TBC1D22A: variants seen among roughly 807,000 people sequenced by gnomAD.
TBC1D22A encodes TBC1 domain family member 22A.
TBC1D22A carries 38 observed loss-of-function variants against 60.2 expected under a neutral mutation model. The ratio of observed to expected loss-of-function variants is 0.63; its 90% CI spans 0.49 to 0.83. The LOEUF is 0.83. TBC1D22A is among the 40% of genes least tolerant of loss of function. The probability of loss-of-function intolerance (pLI) is 0.00; values close to 1 mark genes in which losing one functional copy is unlikely to be tolerated. For missense variants in TBC1D22A, 628 were observed against 701.0 expected, an observed-to-expected ratio of 0.90 and a Z score of 1.18; for synonymous variants, 302 against 281.7, an observed-to-expected ratio of 1.07 and a Z score of -0.72.
intron 1 of TBC1D22A, among the ~76,000 whole-genome samples, chr22:46,785,189 C>T (rs2084106138): frequency 6.6e-6 from 1 of 152,116 alleles, no homozygotes; most frequent in Non-Finnish European, 1.5e-5. Flanking sequence ...TGGGGCCTCA[C>T]TAGGAAGACT....
At chr22:47,040,600 C>T (rs2062808369) in intron 11 of TBC1D22A, among the ~76,000 whole-genome samples, 1 of 151,832 alleles carries the variant, frequency 6.6e-6, no homozygotes, top group African/African-American at 2.4e-5. Flanking sequence ...AGGGTGATCC[C>T]ACAGTGGGCG....
chr22:46,834,424 GT>G (rs1190232256), intron 4 of TBC1D22A, among the ~76,000 whole-genome samples: 1 of 152,122 alleles, frequency 6.6e-6, no homozygotes. Flanking sequence ...AAGAAGAAGA[GT>G]TTCACTTATC....
At position 46,842,540 on chromosome 22, in the gene TBC1D22A, A is replaced by T. The variant is rs568880783; in HGVS notation, c.638-36113A>T. Among the ~76,000 whole-genome samples the T allele has an allele frequency of 2.0e-5, 3 of 152,334 alleles. No individual in the cohort carries two copies. The East Asian group carries it at 5.8e-4, about 29-fold the overall frequency. On this transcript the variant is annotated intron_variant, in intron 4 of 12. Transcript: ENST00000337137. ...GTAGATATCAGTTCTCCCCGTAAAC[A>T]CTTGAGTATGCATGTCATTAACTTG...
chr22:46,976,357 C>G (rs144859930), intron 9 of TBC1D22A, among the ~76,000 whole-genome samples: 1 of 152,324 alleles, frequency 6.6e-6, no homozygotes, highest in African/African-American at 2.4e-5. Flanking sequence ...TCACGTGCCA[C>G]GATGGATTCC....
intron 11 of TBC1D22A, among the ~76,000 whole-genome samples, chr22:47,066,279 A>T (rs1008895313): frequency 6.6e-6 from 1 of 152,176 alleles, no homozygotes; most frequent in African/African-American, 2.4e-5. Flanking sequence ...CTCACGCAGG[A>T]GGATGTGGTG....
At chr22:46,923,472 C>G (rs1466346565) in intron 8 of TBC1D22A, among the ~76,000 whole-genome samples, 3 of 152,224 alleles carry the variant, frequency 2.0e-5, no homozygotes, top group African/African-American at 4.8e-5. Context: ...GGCTGGGCCT[C>G]GAAGGTAGCC....
At chr22:46,773,750 G>C (rs935316011) in intron 1 of TBC1D22A, among the ~76,000 whole-genome samples, 5 of 152,164 alleles carry the variant, frequency 3.3e-5, no homozygotes, top group African/African-American at 9.7e-5. Context: ...GGGATTACAG[G>C]TGTGAGCCAC....
At chr22:47,112,536 G>A (rs998049732) in intron 12 of TBC1D22A, among the ~76,000 whole-genome samples, 6 of 152,142 alleles carry the variant, frequency 3.9e-5, no homozygotes, top group Non-Finnish European at 8.8e-5. Context: ...TATTCCTTCC[G>A]AGGGCCTTGG....
intron 10 of TBC1D22A, among the ~76,000 whole-genome samples, chr22:47,015,592 A>C (rs1384046804): frequency 6.6e-6 from 1 of 152,176 alleles, no homozygotes; most frequent in Non-Finnish European, 1.5e-5. Context: ...TCTTGCGACC[A>C]CACACATATA....
rs117835181 is a variant in TBC1D22A at position 46,939,941 on chromosome 22, G to A, written c.1015+27753G>A. On this transcript the variant is annotated intron_variant, in intron 8 of 12. Transcript: ENST00000337137. ...CAGTCATGACAGTTGATGAGCAGTC[G>A]TTTGCATTCAAGGGATATTGCCCAT... Among the ~76,000 whole-genome samples, 28 of 152,304 alleles carry A rather than the reference G, an allele frequency of 1.8e-4. 2 individuals carry two copies. The East Asian group carries it at 4.8e-3, about 26-fold the overall frequency.
intron 10 of TBC1D22A, among the ~76,000 whole-genome samples, chr22:47,013,043 C>G (rs1392490499): frequency 6.6e-6 from 1 of 152,210 alleles, no homozygotes; most frequent in Non-Finnish European, 1.5e-5. Flanking sequence ...CTGCATCTGG[C>G]CCTCCAGCCT....
At chr22:47,032,927 G>C (rs575359224) in intron 10 of TBC1D22A, among the ~76,000 whole-genome samples, 7 of 152,344 alleles carry the variant, frequency 4.6e-5, no homozygotes, top group Admixed American at 3.9e-4. Context: ...AGGCTGCCCT[G>C]TGTGGCCCCT....
intron 12 of TBC1D22A, among the ~76,000 whole-genome samples, chr22:47,126,170 C>T (rs541235746): frequency 3.3e-5 from 5 of 152,250 alleles, no homozygotes; most frequent in Admixed American, 6.5e-5. Context: ...TTAGTAGAGA[C>T]GGGGTTTCAC....
At chr22:47,069,552 G>A (rs1603229691) in intron 11 of TBC1D22A, among the ~76,000 whole-genome samples, 2 of 152,210 alleles carry the variant, frequency 1.3e-5, no homozygotes, top group Non-Finnish European at 2.9e-5. Flanking sequence ...GTCCTTGCTG[G>A]AGCAAAACCC....
At chr22:47,095,515 A>C (rs975405142) in intron 11 of TBC1D22A, among the ~76,000 whole-genome samples, 3 of 152,250 alleles carry the variant, frequency 2.0e-5, no homozygotes, top group Admixed American at 6.5e-5. Flanking sequence ...ATTTAATCTT[A>C]GTCATTTTGA....
At chr22:46,920,045 A>G (rs11913978) in intron 8 of TBC1D22A, among the ~76,000 whole-genome samples, 20,192 of 134,184 alleles carry the variant, frequency 0.15, 3,079 homozygotes, top group African/African-American at 0.4. Context: ...TGTTAGGTAT[A>G]TATGTGTTTG....
At chr22:46,937,238 C>A (rs1025925714) in intron 8 of TBC1D22A, among the ~76,000 whole-genome samples, 2 of 152,128 alleles carry the variant, frequency 1.3e-5, no homozygotes, top group East Asian at 3.8e-4. Flanking sequence ...GAAGAAAATG[C>A]ATTCTAGCCT....
chr22:46,876,373 G>A (rs541314314), intron 4 of TBC1D22A, among the ~76,000 whole-genome samples: 1 of 152,196 alleles, frequency 6.6e-6, no homozygotes, highest in Non-Finnish European at 1.5e-5. Context: ...TGCATACAAA[G>A]ACCTAGCAAT....
At chr22:46,983,049 C>A (rs1011818056) in intron 9 of TBC1D22A, among the ~76,000 whole-genome samples, 2 of 152,238 alleles carry the variant, frequency 1.3e-5, no homozygotes, top group Non-Finnish European at 2.9e-5. Context: ...CGGGTCTGGG[C>A]TCAACATTTT....
Sources: allele counts gnomAD v4.1 joint callset (sites outside exome capture counted in the v4.1 genomes callset), GRCh38; gene constraint gnomAD v4.1.1; transcripts MANE v1.5; gene names NCBI Gene and HGNC (gene_info 2026-07-23, HGNC 2026-07-21).